The following IL17B variants were observed in gnomAD, a reference collection of about 807,000 sequenced individuals.
IL17B encodes interleukin-17B.
Under a neutral mutation model 14.7 loss-of-function variants are expected in IL17B, and 14 were observed. The ratio of observed to expected loss-of-function variants is 0.95; its 90% CI spans 0.63 to 1.49. IL17B has a LOEUF of 1.49. Among genes scored for constraint, IL17B ranks in the 40% most tolerant of loss-of-function variants. The probability of loss-of-function intolerance (pLI) is 0.00; values close to 1 mark genes in which losing one functional copy is unlikely to be tolerated. For missense variants in IL17B, 233 were observed against 252.8 expected (o/e 0.92, Z 0.53); for synonymous variants, 105 against 94.8 (o/e 1.11, Z -0.62).
At chr5:149,391,670 C>A (rs2127621175) in intron 1 of IL17B, among the ~76,000 whole-genome samples, 1 of 152,292 alleles carries the variant, frequency 6.6e-6, no homozygotes, top group East Asian at 1.9e-4. Context: ...AAGTGTCATT[C>A]CTGGGAATGC....
intron 1 of IL17B, among the ~76,000 whole-genome samples, chr5:149,387,098 C>T (rs559063449): frequency 6.6e-6 from 1 of 152,314 alleles, no homozygotes; most frequent in East Asian, 1.9e-4. Context: ...TTGCTGGGCC[C>T]CTCTCCTCTC....
At chr5:149,384,612 T>C (rs1232947382) in intron 1 of IL17B, among the ~76,000 whole-genome samples, 1 of 152,162 alleles carries the variant, frequency 6.6e-6, no homozygotes, top group Non-Finnish European at 1.5e-5. Flanking sequence ...CCTATGTCCT[T>C]GAAAGAGAGG....
intron 1 of IL17B, among the ~76,000 whole-genome samples, chr5:149,401,749 C>A (rs1478277557): frequency 6.6e-6 from 1 of 151,966 alleles, no homozygotes; most frequent in Non-Finnish European, 1.5e-5. Flanking sequence ...AGGAAGAAAC[C>A]CTCTCAAATA....
intron 1 of IL17B, among the ~76,000 whole-genome samples, chr5:149,401,714 C>T (rs550019918): frequency 6.6e-6 from 1 of 152,124 alleles, no homozygotes; most frequent in Non-Finnish European, 1.5e-5. Flanking sequence ...AAGATTGCAC[C>T]ACTGCACTCC....
At chr5:149,402,522 G>A (rs1026105219) in intron 1 of IL17B, among the ~76,000 whole-genome samples, 3 of 151,984 alleles carry the variant, frequency 2.0e-5, no homozygotes, top group African/African-American at 7.3e-5. Flanking sequence ...GTGACTTCCT[G>A]TCCTGGCCTA....
chr5:149,383,959 A>T (rs1272543587), upstream of IL17B, among the ~76,000 whole-genome samples: 1 of 152,156 alleles, frequency 6.6e-6, no homozygotes, highest in East Asian at 1.9e-4. Context: ...TGGGTTGCAA[A>T]TTGACTCTAC....
At chr5:149,380,520 T>C (rs556904471), upstream of IL17B, among the ~76,000 whole-genome samples, 20 of 152,206 alleles carry the variant, frequency 1.3e-4, no homozygotes, top group Admixed American at 1.1e-3. Flanking sequence ...CACAAGTTTG[T>C]GAGGTCGGAT....
Position 149,376,764 on chromosome 5 carries a change from T to G in IL17B, c.283A>C (p.Lys95Gln). Residue 95 changes from lysine to glutamine, a missense_variant, in exon 2 of 3, where the codon AAG becomes CAG. By Grantham distance (53) the Lys-to-Gln change is moderately conservative. Coordinates refer to ENST00000261796, the MANE Select transcript of IL17B (RefSeq NM_014443.3). ...EVNLQLWMSNKRSLSPWGYSI... is the reference protein window; with the variant it reads ...EVNLQLWMSNQRSLSPWGYSI... The stretch of plus-strand genomic sequence containing the variant: ...TAGCCCCAGGGAGACAGGCTCCTCT[T>G]GTTGGACATCCACAGCTGCAAGTTG... The G allele has an allele frequency of 1.2e-6, 2 of 1,612,450 alleles. No homozygotes were observed. The highest frequency in any genetic ancestry group is 1.7e-6 in the Non-Finnish European group (2 of 1,179,148).
At chr5:149,394,475 T>A (rs1256567194) in intron 1 of IL17B, among the ~76,000 whole-genome samples, 1 of 152,242 alleles carries the variant, frequency 6.6e-6, no homozygotes, top group Non-Finnish European at 1.5e-5. Context: ...TGCTTTTACA[T>A]ACACGCATTA....
chr5:149,374,329 A>T lies in IL17B; in HGVS notation c.*40T>A, dbSNP rs1255779847. The T allele has an allele frequency of 6.7e-7, 1 of 1,503,054 alleles. No homozygotes were observed. Among genetic ancestry groups the T allele is most frequent in the East Asian group, 2.3e-5 (1 of 43,682 alleles). 93.1% of individuals were successfully genotyped at this position (1,503,054 alleles called of 1,614,324 possible). ...TTCTTGGCACAAAGGTGCAAGGAGG[A>T]TGGTCTCGGGCTGCTGGCCTGGCTT... On this transcript the variant is annotated 3_prime_UTR_variant, in exon 3 of 3. Coordinates refer to ENST00000261796, the MANE Select transcript of IL17B (RefSeq NM_014443.3). The surrounding 1 kb of genome is among the most constrained non-coding windows in gnomAD (Gnocchi z 5.0).
chr5:149,394,774 A>G (rs568657546), intron 1 of IL17B, among the ~76,000 whole-genome samples: 1 of 152,332 alleles, frequency 6.6e-6, no homozygotes, highest in South Asian at 2.1e-4. Context: ...TGGAGAATAC[A>G]TCACACTCAT....
upstream of IL17B, among the ~76,000 whole-genome samples, chr5:149,383,176 C>T (rs13355574): frequency 4.0e-3 from 602 of 152,332 alleles, 8 homozygotes; most frequent in African/African-American, 0.014. Flanking sequence ...AGATAATGCA[C>T]GTTAAAGCGC....
chr5:149,398,744 T>C (rs923970708), intron 1 of IL17B, among the ~76,000 whole-genome samples: 1 of 152,144 alleles, frequency 6.6e-6, no homozygotes, highest in African/African-American at 2.4e-5. Context: ...CCATCTCTAC[T>C]AAAAATACAA....
chr5:149,396,262 C>A (rs1206682961), intron 1 of IL17B, among the ~76,000 whole-genome samples: 2 of 152,168 alleles, frequency 1.3e-5, no homozygotes, highest in Non-Finnish European at 2.9e-5. Context: ...TTTTTCCAGT[C>A]ATTAATATAC....
chr5:149,397,173 C>CT (rs1200852904), intron 1 of IL17B, among the ~76,000 whole-genome samples: 3 of 151,620 alleles, frequency 2.0e-5, no homozygotes, highest in African/African-American at 4.8e-5. Context: ...CATTTTTAAT[C>CT]TTTTTTTTTC....
chr5:149,380,445 C>T (rs1032545773), upstream of IL17B, among the ~76,000 whole-genome samples: 7 of 152,032 alleles, frequency 4.6e-5, no homozygotes, highest in Non-Finnish European at 1.0e-4. Context: ...ACTGACTCTC[C>T]CTTCAACCCC....
chr5:149,375,914 C>T (rs1483715008), intron 2 of IL17B, among the ~76,000 whole-genome samples: 2 of 152,182 alleles, frequency 1.3e-5, no homozygotes, highest in Non-Finnish European at 2.9e-5. Flanking sequence ...AAGTTAATCC[C>T]TCAGTCACAG....
intron 1 of IL17B, among the ~76,000 whole-genome samples, chr5:149,400,673 G>C (rs371329604): frequency 6.6e-6 from 1 of 152,218 alleles, no homozygotes; most frequent in Non-Finnish European, 1.5e-5. Context: ...GAAGAGGAGA[G>C]TTATCTCGGA....
At position 149,374,689 on chromosome 5, in the gene IL17B, CAG is replaced by C. The variant is rs1392086849; in HGVS notation, c.312-91_312-90del. 1.2e-5 allele frequency: 12 copies of C among 999,084 alleles called. No individual in the cohort carries two copies. The highest frequency in any genetic ancestry group is 1.8e-5 in the Non-Finnish European group (12 of 681,102). 61.9% of individuals were successfully genotyped at this position (999,084 alleles called of 1,614,324 possible). On this transcript the variant is annotated intron_variant, in intron 2 of 2. Transcript: ENST00000261796. The surrounding 1 kb of genome is among the most constrained non-coding windows in gnomAD (Gnocchi z 5.0). ...ACTCCACACCCCTGCCTTTCCTAAT[CAG>C]AGTTTTAATTTCCACAGCAAGACTG...
Sources: gnomAD v4.1 joint callset for allele counts (sites outside exome capture counted in the v4.1 genomes callset) on GRCh38, gnomAD v4.1.1 for gene constraint, Gnocchi (gnomAD v3.1) non-coding constraint, MANE v1.5 for transcripts, NCBI Gene and HGNC (gene_info 2026-07-23, HGNC 2026-07-21) for gene names.